Variants in TENM3 observed in about 807,000 individuals in gnomAD.
TENM3 encodes the protein teneurin-3.
A neutral mutation model predicts 255.1 loss-of-function variants in TENM3; 63 were observed. The ratio of observed to expected loss-of-function variants is 0.25; its 90% CI spans 0.20 to 0.30. The LOEUF (loss-of-function observed/expected upper bound fraction) is 0.30, where lower values mean the gene tolerates loss of function less well. Ranked by LOEUF, TENM3 falls within the 10% of genes least tolerant of loss-of-function variation. TENM3 has a pLI of 1.00. For synonymous variants in TENM3, 1,306 were observed against 1,322.3 expected (o/e 0.99, Z 0.27); for missense variants, 2,929 against 3,461.1 (o/e 0.85, Z 3.86).
chr4:182,096,504 A>G, the TENM3 span, among the ~76,000 whole-genome samples: 1 of 152,230 alleles, frequency 6.6e-6, no homozygotes, highest in Non-Finnish European at 1.5e-5. Flanking sequence ...TAGAATTAAA[A>G]TATCTCTATT....
the TENM3 span, among the ~76,000 whole-genome samples, chr4:181,832,159 T>A: frequency 6.6e-6 from 1 of 152,096 alleles, no homozygotes; most frequent in Non-Finnish European, 1.5e-5. Context: ...CATACCACAT[T>A]ATGAACTCAG....
At chr4:181,891,147 A>G in the TENM3 span, among the ~76,000 whole-genome samples, 1 of 152,210 alleles carries the variant, frequency 6.6e-6, no homozygotes, top group Non-Finnish European at 1.5e-5. Flanking sequence ...CAGAGAGCAG[A>G]TGAAATTTCA....
chr4:182,539,365 T>A (rs34656791), intron 3 of TENM3, among the ~76,000 whole-genome samples: 12,668 of 152,010 alleles, frequency 0.083, 733 homozygotes, highest in Non-Finnish European at 0.13. Flanking sequence ...AGCAGTGACT[T>A]CTCCGGAGGG....
intron 5 of TENM3, among the ~76,000 whole-genome samples, chr4:182,630,551 G>A (rs988545635): frequency 6.6e-6 from 1 of 152,280 alleles, no homozygotes; most frequent in East Asian, 1.9e-4. Context: ...CTGTCATGGG[G>A]TTGGCTGAGG....
the TENM3 span, among the ~76,000 whole-genome samples, chr4:182,072,044 C>T: frequency 6.6e-6 from 1 of 152,208 alleles, no homozygotes; most frequent in Non-Finnish European, 1.5e-5. Flanking sequence ...GTAAAAATGA[C>T]AGATAATGCC....
chr4:181,902,158 A>G, the TENM3 span, among the ~76,000 whole-genome samples: 2 of 148,748 alleles, frequency 1.3e-5, no homozygotes, highest in African/African-American at 5.0e-5. Flanking sequence ...CAATTTGGAG[A>G]TAGGTATATT....
the TENM3 span, among the ~76,000 whole-genome samples, chr4:181,521,265 A>C: frequency 4.6e-5 from 7 of 152,234 alleles, no homozygotes; most frequent in African/African-American, 1.7e-4. Flanking sequence ...GGAGCATGGC[A>C]GCTTCTTCAT....
intron 1 of TENM3, among the ~76,000 whole-genome samples, chr4:182,160,495 A>G (rs1412137878): frequency 6.6e-6 from 1 of 152,238 alleles, no homozygotes; most frequent in Non-Finnish European, 1.5e-5. Context: ...ATTACAAGAC[A>G]AACTTGAATA....
In TENM3 at chr4:182,754,927, A is replaced by G; in HGVS notation, c.4560A>G (p.Glu1520=). 1.2e-6 allele frequency: 2 copies of G among 1,613,920 alleles called. No individual in the cohort carries two copies. Among genetic ancestry groups the G allele is most frequent in the Non-Finnish European group, 1.7e-6 (2 of 1,179,898 alleles). ...FYEVASPTDQ[E]LYIFDINGTH... ...AAGTTGCGTCTCCAACTGATCAAGAACTCTACATCTTTGACATCAATGGTA... is the reference window on the plus strand; with the variant it reads ...AAGTTGCGTCTCCAACTGATCAAGAGCTCTACATCTTTGACATCAATGGTA... Residue 1520 remains glutamate (E), a synonymous_variant, in exon 22 of 28, where the codon GAA becomes GAG. Coordinates refer to ENST00000511685, the MANE Select transcript of TENM3 (RefSeq NM_001080477.4). The surrounding 1 kb of genome is among the most constrained non-coding windows in gnomAD (Gnocchi z 5.1).
intron 3 of TENM3, among the ~76,000 whole-genome samples, chr4:182,423,292 G>T (rs1326597609): frequency 1.3e-5 from 2 of 152,150 alleles, no homozygotes; most frequent in African/African-American, 4.8e-5. Flanking sequence ...AGAAGAAAAA[G>T]AAAATATTAG....
At chr4:181,577,092 T>C in the TENM3 span, among the ~76,000 whole-genome samples, 24 of 116,818 alleles carry the variant, frequency 2.1e-4, no homozygotes, top group African/African-American at 9.0e-4. Flanking sequence ...TAATATATAA[T>C]ATATATTTTA....
At chr4:182,572,417 A>T (rs924484466) in intron 3 of TENM3, among the ~76,000 whole-genome samples, 8 of 152,366 alleles carry the variant, frequency 5.3e-5, no homozygotes, top group Non-Finnish European at 1.0e-4. Context: ...CAGCCACAGC[A>T]GTATAATATT....
chr4:182,093,693 G>A, the TENM3 span, among the ~76,000 whole-genome samples: 1 of 152,050 alleles, frequency 6.6e-6, no homozygotes, highest in Non-Finnish European at 1.5e-5. Context: ...AGTGCAAGAG[G>A]CCCAGAAAGG....
At chr4:181,644,168 T>A in the TENM3 span, among the ~76,000 whole-genome samples, 1 of 152,218 alleles carries the variant, frequency 6.6e-6, no homozygotes, top group East Asian at 1.9e-4. Flanking sequence ...CCTTTTCTTG[T>A]TCCATAGTGC....
intron 22 of TENM3, among the ~76,000 whole-genome samples, chr4:182,757,697 A>G (rs930146510): frequency 3.9e-5 from 6 of 152,198 alleles, no homozygotes; most frequent in African/African-American, 1.4e-4. Flanking sequence ...GTAACAAATA[A>G]CCTCCAAGAA....
chr4:181,564,703 A>G, the TENM3 span, among the ~76,000 whole-genome samples: 1 of 152,178 alleles, frequency 6.6e-6, no homozygotes, highest in East Asian at 1.9e-4. Context: ...AATGTTACTG[A>G]AAGAGTTCAT....
At chr4:181,990,944 G>A in the TENM3 span, among the ~76,000 whole-genome samples, 3 of 151,940 alleles carry the variant, frequency 2.0e-5, no homozygotes, top group Non-Finnish European at 4.4e-5. Flanking sequence ...AATAATCAAG[G>A]TGATGATTCC....
At chr4:181,916,958 T>C in the TENM3 span, among the ~76,000 whole-genome samples, 5 of 151,754 alleles carry the variant, frequency 3.3e-5, no homozygotes, top group African/African-American at 4.8e-5. Flanking sequence ...AGAGGCCTGA[T>C]AAAAAAAAAT....
chr4:181,849,949 T>TCACACACACA, the TENM3 span, among the ~76,000 whole-genome samples: 21 of 65,946 alleles, frequency 3.2e-4, no homozygotes, highest in African/African-American at 4.8e-4. Flanking sequence ...TCTCTCTCTC[T>TCACACACACA]CACACACACA....
Sources: allele counts gnomAD v4.1 joint callset (sites outside exome capture counted in the v4.1 genomes callset), GRCh38; gene constraint gnomAD v4.1.1; non-coding constraint Gnocchi (gnomAD v3.1); transcripts MANE v1.5; gene names NCBI Gene and HGNC (gene_info 2026-07-23, HGNC 2026-07-21).